The following MTMR1 variants were observed in gnomAD, a reference collection of about 807,000 sequenced individuals.
MTMR1 encodes the protein myotubularin related protein 1.
A neutral mutation model predicts 51.6 loss-of-function variants in MTMR1; 17 were observed. That is an observed-to-expected ratio of 0.33 (90% CI 0.23 to 0.49). The LOEUF (loss-of-function observed/expected upper bound fraction) is 0.49. Among genes scored for constraint, MTMR1 ranks in the 20% least tolerant of loss-of-function variants. MTMR1 has a pLI of 0.99. For synonymous variants in MTMR1, 201 were observed against 205.6 expected (o/e 0.98, Z 0.19); for missense variants, 386 against 526.9 (o/e 0.73, Z 2.62).
chrX:150,727,756 G>A lies in MTMR1; in HGVS notation c.520G>A (p.Gly174Arg), dbSNP rs782295379. Residue 174 changes from glycine to arginine, a missense_variant, in exon 6 of 16, where the codon GGA becomes AGA. By Grantham distance (125) the Gly-to-Arg change is moderately radical. Coordinates refer to ENST00000445323, the MANE Select transcript of MTMR1 (RefSeq NM_001306144.3). ...RVEKIGAQSH[G>R]DNSCGIEIVC... ...GGAGAAGATTGGAGCACAGAGCCATGGAGACAATTCCTGTGGTATAGAGAT... is the reference window on the plus strand; with the variant it reads ...GGAGAAGATTGGAGCACAGAGCCATAGAGACAATTCCTGTGGTATAGAGAT... The A allele has an allele frequency of 2.5e-6, 3 of 1,208,681 alleles. No homozygotes were observed. The African/African-American group carries it at 5.2e-5, about 21-fold the overall frequency.
intron 5 of MTMR1, 71 bp from the exon 6 acceptor site, chrX:150,727,613 C>A: frequency 1.2e-6 from 1 of 836,920 alleles, no homozygotes; most frequent in Non-Finnish European, 1.8e-6. Context: ...GTTTTGTAAC[C>A]CAGCAAAGAC....
intron 3 of MTMR1, among the ~76,000 whole-genome samples, chrX:150,713,981 C>G (rs1169248209): frequency 9.0e-6 from 1 of 111,562 alleles, no homozygotes; most frequent in Non-Finnish European, 1.9e-5. Context: ...GTGATATATG[C>G]ATGTGTGCAG....
At chrX:150,721,817 C>G (rs782091545) in intron 4 of MTMR1, among the ~76,000 whole-genome samples, 1 of 111,190 alleles carries the variant, frequency 9.0e-6, no homozygotes, top group East Asian at 2.8e-4. Context: ...TTAATTCACT[C>G]TTTTTGTAGC....
chrX:150,760,543 G>T (rs2043078980), intron 15 of MTMR1, among the ~76,000 whole-genome samples: 1 of 112,112 alleles, frequency 8.9e-6, no homozygotes, highest in Non-Finnish European at 1.9e-5. Context: ...CTGGCCCTTA[G>T]ATGGGAATTT....
intron 3 of MTMR1, among the ~76,000 whole-genome samples, chrX:150,716,809 A>G (rs2041533373): frequency 2.7e-5 from 3 of 112,749 alleles, no homozygotes; most frequent in South Asian, 7.2e-4. Context: ...ATATTCTTGT[A>G]ACTATGAAAA....
At position 150,761,947 on chromosome X, in the gene MTMR1, G is replaced by C. The variant is rs375228447; in HGVS notation, c.1858-618G>C. 6.0e-4 allele frequency among the ~76,000 whole-genome samples: 67 copies of C among 112,442 alleles called. 1 individual carries two copies. In the South Asian group the frequency reaches 0.023, roughly 38 times the overall value. On this transcript the variant is annotated intron_variant, in intron 15 of 15. Transcript: ENST00000445323. ...GTTTAAAAGAGAAAAGCTAATTAAA[G>C]GTGAGGCCTTGCGGTGATGCTGAGC... is the stretch of plus-strand genomic sequence containing the variant.
intron 1 of MTMR1, among the ~76,000 whole-genome samples, chrX:150,694,915 T>A (rs1603223262): frequency 8.9e-6 from 1 of 112,151 alleles, no homozygotes; most frequent in African/African-American, 3.2e-5. Flanking sequence ...ACAGAAGTAC[T>A]CAGGATGGGC....
At position 150,756,675 on chromosome X, in the gene MTMR1, G is replaced by A. The variant is rs181599617; in HGVS notation, c.1857+810G>A. ...TTTTTATTTATTTATTTTTTGAGACGGAGTCTTGCTCGTCACCCAGGCTGG... is the reference window on the plus strand; with the variant it reads ...TTTTTATTTATTTATTTTTTGAGACAGAGTCTTGCTCGTCACCCAGGCTGG... On this transcript the variant is annotated intron_variant, in intron 15 of 15. Coordinates refer to ENST00000445323, the MANE Select transcript of MTMR1 (RefSeq NM_001306144.3). 8.0e-5 allele frequency among the ~76,000 whole-genome samples: 9 copies of A among 111,927 alleles called. No individual in the cohort carries two copies. The East Asian group carries it at 2.5e-3, about 31-fold the overall frequency.
intron 1 of MTMR1, among the ~76,000 whole-genome samples, chrX:150,696,764 A>G (rs782502577): frequency 3.1e-4 from 29 of 92,373 alleles, no homozygotes; most frequent in African/African-American, 1.2e-3. Flanking sequence ...GAGTTCCTTA[A>G]GATGGTAGGG....
At chrX:150,752,894 G>A (rs1283049273) in intron 14 of MTMR1, among the ~76,000 whole-genome samples, 3 of 110,192 alleles carry the variant, frequency 2.7e-5, no homozygotes, top group Non-Finnish European at 3.8e-5. Flanking sequence ...TTCCCGCCTC[G>A]GCCTCCCAAA....
At chrX:150,747,143 G>A (rs2042594895) in intron 13 of MTMR1, among the ~76,000 whole-genome samples, 1 of 111,051 alleles carries the variant, frequency 9.0e-6, no homozygotes, top group Admixed American at 9.6e-5. Flanking sequence ...TGATATTTTT[G>A]TTCCTCAAGA....
intron 15 of MTMR1, among the ~76,000 whole-genome samples, chrX:150,759,761 C>T (rs185242768): frequency 1.8e-5 from 2 of 110,239 alleles, no homozygotes; most frequent in East Asian, 2.8e-4. Flanking sequence ...GAAACCACAG[C>T]GACAGCGCCT....
At chrX:150,755,906 CT>C (rs1557417749) in intron 15 of MTMR1, 41 bp downstream of exon 15, 4 of 1,082,971 alleles carry the variant, frequency 3.7e-6, no homozygotes, top group African/African-American at 1.9e-5. Flanking sequence ...GAGAGTTTGC[CT>C]TTTTTTCCAA....
rs782176604 is a variant in MTMR1 at position 150,764,797 on chromosome X, T to TAA, written c.*2069_*2070dup. On this transcript the variant is annotated 3_prime_UTR_variant, in exon 16 of 16. Coordinates refer to ENST00000445323, the MANE Select transcript of MTMR1 (RefSeq NM_001306144.3). ...TTTGTTATCTAAGCAATTTTTGTTT[T>TAA]AAGTAAGTAAGTGTACTAGAATGCG... 8.9e-6 allele frequency: 1 copy of TAA among 112,980 alleles called. No individual in the cohort carries two copies. The highest frequency in any genetic ancestry group is 2.8e-4 in the East Asian group (1 of 3,626). The allele number at this position is 112,980 out of a possible 1,213,427, so 9.3% of individuals were successfully genotyped here. A position where few individuals can be genotyped will look rare whatever the true frequency, so the allele number is the denominator to read the frequency against.
chrX:150,713,888 G>A (rs1399608934), intron 3 of MTMR1, among the ~76,000 whole-genome samples: 1 of 100,534 alleles, frequency 9.9e-6, no homozygotes, highest in Non-Finnish European at 2.0e-5. Flanking sequence ...TAAGCAATAA[G>A]AAACAGACAT....
intron 15 of MTMR1, among the ~76,000 whole-genome samples, chrX:150,762,227 GC>G (rs2098891364): frequency 8.8e-6 from 1 of 113,062 alleles, no homozygotes; most frequent in East Asian, 2.8e-4. Flanking sequence ...CACTGCTCGT[GC>G]CGAGTCTGCA....
At chrX:150,757,362 G>A (rs1227889903) in intron 15 of MTMR1, among the ~76,000 whole-genome samples, 2 of 112,777 alleles carry the variant, frequency 1.8e-5, no homozygotes, top group African/African-American at 6.4e-5. Flanking sequence ...GACCAGGCTA[G>A]TCATCACTTG....
intron 14 of MTMR1, among the ~76,000 whole-genome samples, chrX:150,755,325 T>C (rs781792279): frequency 4.8e-4 from 54 of 112,356 alleles, no homozygotes; most frequent in African/African-American, 1.7e-3. Flanking sequence ...CTTATAGGCT[T>C]GAGCTACTGT....
intron 1 of MTMR1, among the ~76,000 whole-genome samples, chrX:150,698,222 G>C (rs2040749545): frequency 9.1e-6 from 1 of 110,235 alleles, no homozygotes; most frequent in African/African-American, 3.3e-5. Flanking sequence ...GAACCCAGAA[G>C]GGCAAAGTTT....
Sources: gnomAD v4.1 joint callset for allele counts (sites outside exome capture counted in the v4.1 genomes callset) on GRCh38, gnomAD v4.1.1 for gene constraint, MANE v1.5 for transcripts, NCBI Gene and HGNC (gene_info 2026-07-23, HGNC 2026-07-21) for gene names.